Variants in UQCC1 observed in about 807,000 individuals in gnomAD.
The protein encoded by UQCC1 is ubiquinol-cytochrome c reductase complex assembly factor 1, also known as bFGF-repressed Zic-binding protein.
Under a neutral mutation model 48.0 loss-of-function variants are expected in UQCC1, and 38 were observed. That is an observed-to-expected ratio of 0.79 (90% CI 0.61 to 1.04). The LOEUF (loss-of-function observed/expected upper bound fraction) is 1.04. Among genes scored for constraint, UQCC1 ranks in the 50% least tolerant of loss-of-function variants. The pLI is 0.00. For missense variants in UQCC1, 368 were observed against 381.8 expected, an observed-to-expected ratio of 0.96 and a Z score of 0.30; for synonymous variants, 111 against 129.2, an observed-to-expected ratio of 0.86 and a Z score of 0.95.
At chr20:35,410,542 A>T (rs1046582216) in intron 1 of UQCC1, among the ~76,000 whole-genome samples, 2 of 149,572 alleles carry the variant, frequency 1.3e-5, no homozygotes, top group Non-Finnish European at 3.0e-5. Flanking sequence ...AAAAAAAAAA[A>T]AAATACAAAA....
chr20:35,342,983 T>C (rs1018057740), intron 7 of UQCC1, among the ~76,000 whole-genome samples: 2 of 152,120 alleles, frequency 1.3e-5, no homozygotes, highest in African/African-American at 2.4e-5. Context: ...CAAATCAGAA[T>C]AGAATTCTAA....
chr20:35,325,939 G>A (rs974796701), intron 7 of UQCC1, among the ~76,000 whole-genome samples: 2 of 152,136 alleles, frequency 1.3e-5, no homozygotes, highest in Non-Finnish European at 2.9e-5. Flanking sequence ...GGAGCTGGAA[G>A]GGCAGTTTGT....
intron 2 of UQCC1, among the ~76,000 whole-genome samples, chr20:35,387,684 C>T (rs1464424147): frequency 1.3e-5 from 2 of 152,120 alleles, no homozygotes; most frequent in African/African-American, 4.8e-5. Flanking sequence ...AGAATAACAA[C>T]ACTTGAGCTG....
chr20:35,350,322 T>C (rs2061476877), intron 6 of UQCC1, among the ~76,000 whole-genome samples: 1 of 152,138 alleles, frequency 6.6e-6, no homozygotes, highest in Admixed American at 6.5e-5. Flanking sequence ...ATAATCAAAC[T>C]GACAACCTCA....
At chr20:35,378,917 T>A in intron 4 of UQCC1, among the ~76,000 whole-genome samples, 1 of 152,232 alleles carries the variant, frequency 6.6e-6, no homozygotes, top group East Asian at 1.9e-4. Flanking sequence ...CTGAGAAGAA[T>A]CATCCTGTCT....
chr20:35,393,249 C>G (rs2062032900), intron 2 of UQCC1, among the ~76,000 whole-genome samples: 1 of 151,498 alleles, frequency 6.6e-6, no homozygotes. Context: ...AAAATATGTG[C>G]TAAGACAATG....
intron 7 of UQCC1, among the ~76,000 whole-genome samples, chr20:35,331,796 G>A (rs2061260182): frequency 6.6e-6 from 1 of 152,158 alleles, no homozygotes; most frequent in African/African-American, 2.4e-5. Context: ...ATCCAGTGTG[G>A]TGTCACAGAT....
chr20:35,410,723 AAC>A lies in UQCC1; in HGVS notation c.24+1215_24+1216del, dbSNP rs1555820302. ...CTGCCTCAAAAAAAAAAAAAAAAAA[AAC>A]AAAACCCTAAAGGGTGGCAGGGGAA... On this transcript the variant is annotated intron_variant, in intron 1 of 9. Coordinates refer to ENST00000374385, the MANE Select transcript of UQCC1 (RefSeq NM_018244.5). 3.9e-5 allele frequency among the ~76,000 whole-genome samples: 5 copies of A among 127,124 alleles called. 1 individual carries two copies. The highest frequency in any genetic ancestry group is 9.5e-5 in the African/African-American group (3 of 31,666). The allele number at this position is 127,124 out of a possible 152,430, so 83.4% of individuals were successfully genotyped here.
intron 7 of UQCC1, among the ~76,000 whole-genome samples, chr20:35,342,639 C>T (rs1243321093): frequency 3.3e-5 from 5 of 152,172 alleles, no homozygotes; most frequent in Non-Finnish European, 5.9e-5. Flanking sequence ...CTCAGGAGTG[C>T]GGCAAGGGCC....
intron 6 of UQCC1, among the ~76,000 whole-genome samples, chr20:35,352,785 C>T (rs936011530): frequency 1.3e-5 from 2 of 152,130 alleles, no homozygotes; most frequent in African/African-American, 2.4e-5. Context: ...TGGACTCAAG[C>T]TATCCTCCTG....
intron 8 of UQCC1, among the ~76,000 whole-genome samples, chr20:35,311,119 C>T (rs966232623): frequency 6.6e-6 from 1 of 152,150 alleles, no homozygotes; most frequent in Non-Finnish European, 1.5e-5. Flanking sequence ...CTGCCCTCAA[C>T]CCCTCATTGT....
At chr20:35,354,085 C>A (rs2061519638) in intron 6 of UQCC1, among the ~76,000 whole-genome samples, 1 of 152,064 alleles carries the variant, frequency 6.6e-6, no homozygotes, top group Admixed American at 6.5e-5. Flanking sequence ...TACCATACAT[C>A]CTAGGTATAT....
At chr20:35,378,197 AAG>A (rs1425529067) in intron 4 of UQCC1, among the ~76,000 whole-genome samples, 2 of 152,194 alleles carry the variant, frequency 1.3e-5, no homozygotes, top group Non-Finnish European at 2.9e-5. Context: ...ACTTGAGTAA[AAG>A]AGAGGCACCT....
chr20:35,361,916 C>T (rs574608890), intron 6 of UQCC1, among the ~76,000 whole-genome samples: 2 of 152,328 alleles, frequency 1.3e-5, no homozygotes, highest in South Asian at 2.1e-4. Flanking sequence ...CCCTCTCCAT[C>T]GTACCTCCAT....
At chr20:35,373,276 T>C (rs540202679) in intron 5 of UQCC1, among the ~76,000 whole-genome samples, 1 of 152,232 alleles carries the variant, frequency 6.6e-6, no homozygotes, top group Non-Finnish European at 1.5e-5. Flanking sequence ...TTTGACCCAA[T>C]AGTCTTTTAA....
intron 2 of UQCC1, among the ~76,000 whole-genome samples, chr20:35,385,823 ATT>A (rs908373084): frequency 7.4e-6 from 1 of 135,188 alleles, no homozygotes; most frequent in Non-Finnish European, 1.6e-5. Flanking sequence ...CCTGGCTGGG[ATT>A]TTTTTTTTTT....
chr20:35,399,952 G>A (rs1601025563), intron 1 of UQCC1, among the ~76,000 whole-genome samples: 1 of 136,054 alleles, frequency 7.4e-6, no homozygotes, highest in East Asian at 2.3e-4. Flanking sequence ...TTGAGATGGA[G>A]TCTTACTCTG....
chr20:35,369,169 G>A (rs2061701954), intron 5 of UQCC1, among the ~76,000 whole-genome samples: 1 of 152,130 alleles, frequency 6.6e-6, no homozygotes, highest in African/African-American at 2.4e-5. Context: ...AGACAGACAG[G>A]CCAGCAGCTG....
chr20:35,307,828 C>G (rs2146293441), intron 8 of UQCC1, among the ~76,000 whole-genome samples: 1 of 152,296 alleles, frequency 6.6e-6, no homozygotes, highest in Admixed American at 6.5e-5. Flanking sequence ...CATGCTTTGG[C>G]AGACAGCGGG....
Sources: allele counts gnomAD v4.1 joint callset (sites outside exome capture counted in the v4.1 genomes callset), GRCh38; gene constraint gnomAD v4.1.1; transcripts MANE v1.5; gene names NCBI Gene and HGNC (gene_info 2026-07-23, HGNC 2026-07-21).